SSBP3: variants seen among roughly 807,000 people sequenced by gnomAD.
SSBP3 encodes single-stranded DNA-binding protein 3.
SSBP3 carries 5 observed loss-of-function variants against 69.6 expected under a neutral mutation model. The observed-to-expected ratio is 0.07, with a 90% CI of 0.04 to 0.15. SSBP3 has a LOEUF of 0.15. SSBP3 is among the 10% of genes least tolerant of loss of function. SSBP3 has a pLI of 1.00. For missense variants in SSBP3, 312 were observed against 534.0 expected, an observed-to-expected ratio of 0.58 and a Z score of 4.10; for synonymous variants, 196 against 193.4, an observed-to-expected ratio of 1.01 and a Z score of -0.11.
chr1:54,303,637 T>C (rs1645844413), intron 4 of SSBP3, among the ~76,000 whole-genome samples: 1 of 152,178 alleles, frequency 6.6e-6, no homozygotes, highest in Non-Finnish European at 1.5e-5. Context: ...ACAAATCTCG[T>C]GCTCTTAAAT....
chr1:54,343,455 AC>A (rs1486094852), intron 4 of SSBP3, among the ~76,000 whole-genome samples: 1 of 152,214 alleles, frequency 6.6e-6, no homozygotes, highest in Non-Finnish European at 1.5e-5. Flanking sequence ...CCACACGGTG[AC>A]TATCACTGTA....
At chr1:54,323,673 C>T (rs1646253768) in intron 4 of SSBP3, among the ~76,000 whole-genome samples, 1 of 152,162 alleles carries the variant, frequency 6.6e-6, no homozygotes, top group African/African-American at 2.4e-5. Flanking sequence ...CCTTGGATTG[C>T]AAAAGCCTGG....
intron 4 of SSBP3, among the ~76,000 whole-genome samples, chr1:54,398,822 C>CG (rs1471770198): frequency 6.6e-6 from 1 of 152,150 alleles, no homozygotes; most frequent in Non-Finnish European, 1.5e-5. Context: ...CCAATGCTCC[C>CG]GTTGCCCCTG....
chr1:54,393,672 T>C (rs758844213), intron 4 of SSBP3, among the ~76,000 whole-genome samples: 1 of 152,192 alleles, frequency 6.6e-6, no homozygotes, highest in Non-Finnish European at 1.5e-5. Context: ...CAGCACACAT[T>C]TATGCAGAAC....
At chr1:54,315,455 G>A (rs950283115) in intron 4 of SSBP3, among the ~76,000 whole-genome samples, 4 of 151,956 alleles carry the variant, frequency 2.6e-5, no homozygotes, top group African/African-American at 4.8e-5. Context: ...TAGAAAAGTC[G>A]GAGTTATAAC....
chr1:54,377,387 T>C (rs1647281997), intron 4 of SSBP3, among the ~76,000 whole-genome samples: 2 of 152,238 alleles, frequency 1.3e-5, no homozygotes, highest in Admixed American at 6.5e-5. Context: ...TACAGGCCAC[T>C]GGGCACACAC....
chr1:54,241,035 CT>C, intron 12 of SSBP3, 76 bp from the exon 13 acceptor site: 1 of 1,499,534 alleles, frequency 6.7e-7, no homozygotes, highest in East Asian at 2.3e-5. Context: ...TCCTCCCTCC[CT>C]GGTCAGCAGC....
chr1:54,231,321 G>A (rs756610597), intron 14 of SSBP3, among the ~76,000 whole-genome samples: 1 of 152,188 alleles, frequency 6.6e-6, no homozygotes, highest in Non-Finnish European at 1.5e-5. Context: ...TGTGCTTACT[G>A]GCTATTTGTA....
At chr1:54,316,665 T>TA (rs1378398010) in intron 4 of SSBP3, among the ~76,000 whole-genome samples, 1,982 of 20,616 alleles carry the variant, frequency 0.096, 294 homozygotes, top group African/African-American at 0.2. Flanking sequence ...AAAAATAAAA[T>TA]AAATAAATAA....
At chr1:54,401,501 T>A (rs213498) in intron 4 of SSBP3, among the ~76,000 whole-genome samples, 53,910 of 152,066 alleles carry the variant, frequency 0.35, 9,760 homozygotes, top group Middle Eastern at 0.46. Flanking sequence ...TATTGGCTTT[T>A]GTTTGTTACA....
chr1:54,242,958 T>A (rs1483687856), intron 10 of SSBP3: 4 of 381,020 alleles, frequency 1.0e-5, no homozygotes, highest in Admixed American at 4.2e-5. Context: ...TCAAAAAAAA[T>A]AAAAATAAAA....
chr1:54,265,905 T>C (rs1222520980), intron 5 of SSBP3, among the ~76,000 whole-genome samples: 1 of 152,242 alleles, frequency 6.6e-6, no homozygotes, highest in Non-Finnish European at 1.5e-5. Context: ...ATTAGGAATC[T>C]GGCTTCCCTG....
At chr1:54,229,525 T>C (rs1570176942) in intron 14 of SSBP3, among the ~76,000 whole-genome samples, 1 of 152,226 alleles carries the variant, frequency 6.6e-6, no homozygotes, top group East Asian at 1.9e-4. Flanking sequence ...AGGAGGTCAC[T>C]GATGAGGCTC....
chr1:54,308,906 G>C (rs71637837), intron 4 of SSBP3, among the ~76,000 whole-genome samples: 2,923 of 144,376 alleles, frequency 0.02, 29 homozygotes, highest in Non-Finnish European at 0.03. Context: ...CACCTCCCCT[G>C]CAAAAAAAAA....
chr1:54,303,003 G>C (rs1268865157), intron 4 of SSBP3, among the ~76,000 whole-genome samples: 1 of 152,230 alleles, frequency 6.6e-6, no homozygotes, highest in Non-Finnish European at 1.5e-5. Flanking sequence ...GGGCAGACGA[G>C]ACAGACACGT....
intron 4 of SSBP3, among the ~76,000 whole-genome samples, chr1:54,365,195 C>T (rs1374659877): frequency 1.3e-5 from 2 of 152,144 alleles, no homozygotes; most frequent in Non-Finnish European, 2.9e-5. Context: ...AATTAGCTGC[C>T]GTATTGACAG....
At chr1:54,253,181 TTTTAG>T (rs1167203022) in intron 7 of SSBP3, among the ~76,000 whole-genome samples, 18 of 146,298 alleles carry the variant, frequency 1.2e-4, no homozygotes, top group Admixed American at 2.0e-4. Context: ...TTTGTTTTTT[TTTTAG>T]TTTTTGTTTT....
chr1:54,408,497 A>T (rs1027246996), upstream of SSBP3, among the ~76,000 whole-genome samples: 1 of 152,114 alleles, frequency 6.6e-6, no homozygotes, highest in Admixed American at 6.6e-5. Flanking sequence ...AAGGCCCACA[A>T]ATTAGGAGTA....
intron 14 of SSBP3, chr1:54,236,720 T>C (rs1033191498): frequency 8.5e-5 from 13 of 152,240 alleles, no homozygotes; most frequent in African/African-American, 2.9e-4. Context: ...CCAGCAATGA[T>C]AGTCATCTTG....
Sources: allele counts gnomAD v4.1 joint callset (sites outside exome capture counted in the v4.1 genomes callset), GRCh38; gene constraint gnomAD v4.1.1; transcripts MANE v1.5; gene names NCBI Gene and HGNC (gene_info 2026-07-23, HGNC 2026-07-21).